The following CFTR variants were observed in gnomAD, a reference collection of about 807,000 sequenced individuals.
The protein encoded by CFTR is CF transmembrane conductance regulator, also known as cystic fibrosis transmembrane conductance regulator.
A neutral mutation model predicts 171.6 loss-of-function variants in CFTR; 181 were observed. The observed-to-expected ratio is 1.05, with a 90% CI of 0.93 to 1.19. CFTR has a LOEUF of 1.19. Among genes scored for constraint, CFTR ranks in the 50% most tolerant of loss-of-function variants. The probability of loss-of-function intolerance (pLI) is 0.00; values close to 1 mark genes in which losing one functional copy is unlikely to be tolerated. For synonymous variants in CFTR, 583 were observed against 608.0 expected, an observed-to-expected ratio of 0.96 and a Z score of 0.60; for missense variants, 1,968 against 1,734.7, an observed-to-expected ratio of 1.13 and a Z score of -2.39.
chr7:117,616,191 A>C (rs538325294), intron 21 of CFTR: 1 of 151,416 alleles, frequency 6.6e-6, no homozygotes, highest in African/African-American at 2.4e-5. Flanking sequence ...GCTGTAATTT[A>C]ATTGGAACAT....
chr7:117,519,812 T>C (rs1483806941), intron 3 of CFTR, among the ~76,000 whole-genome samples: 2 of 151,992 alleles, frequency 1.3e-5, no homozygotes, highest in African/African-American at 4.8e-5. Context: ...CAGTTCCTCA[T>C]CATTGAGTAT....
intron 15 of CFTR, among the ~76,000 whole-genome samples, chr7:117,595,626 G>A (rs1017399268): frequency 6.6e-6 from 1 of 152,092 alleles, no homozygotes; most frequent in Non-Finnish European, 1.5e-5. Flanking sequence ...GTTCATGCCT[G>A]TAATCCCAGA....
At chr7:117,571,346 T>C (rs1452066892) in intron 11 of CFTR, among the ~76,000 whole-genome samples, 1 of 152,204 alleles carries the variant, frequency 6.6e-6, no homozygotes, top group Non-Finnish European at 1.5e-5. Context: ...AGTGAAGTAC[T>C]GAGAAAAGAG....
At chr7:117,533,993 G>C (rs1352814142) in intron 4 of CFTR, among the ~76,000 whole-genome samples, 1 of 152,004 alleles carries the variant, frequency 6.6e-6, no homozygotes, top group Non-Finnish European at 1.5e-5. Flanking sequence ...ATATCAATGG[G>C]TATTTAAGTA....
In CFTR at chr7:117,535,266, T is replaced by A. The variant is rs397508766; in HGVS notation, c.598T>A (p.Phe200Ile). ...TTTCCAGGGACTTGCATTGGCACAT[T>A]TCGTGTGGATCGCTCCTTTGCAAGT... The part of the protein sequence containing the change: ...KFDEGLALAH[F>I]VWIAPLQVAL... Residue 200 changes from phenylalanine to isoleucine, a missense_variant, in exon 6 of 27, where the codon TTC becomes ATC. By Grantham distance (21) the Phe-to-Ile change is conservative (BLOSUM62 0). Coordinates refer to ENST00000003084, the MANE Select transcript of CFTR (RefSeq NM_000492.4). The A allele has an allele frequency of 6.2e-7, 1 of 1,614,100 alleles. No individual in the cohort carries two copies.
At chr7:117,584,551 C>A (rs1791900836) in intron 11 of CFTR, among the ~76,000 whole-genome samples, 1 of 152,136 alleles carries the variant, frequency 6.6e-6, no homozygotes, top group Non-Finnish European at 1.5e-5. Flanking sequence ...TGTACCAGTA[C>A]CAGGCTGTTT....
intron 18 of CFTR, among the ~76,000 whole-genome samples, chr7:117,608,776 TC>T (rs1792339129): frequency 6.6e-6 from 1 of 152,174 alleles, no homozygotes; most frequent in Admixed American, 6.6e-5. Flanking sequence ...AAATGAAATT[TC>T]ATTCTATTCA....
At chr7:117,543,162 GT>G (rs1799085524) in intron 9 of CFTR, among the ~76,000 whole-genome samples, 1 of 152,176 alleles carries the variant, frequency 6.6e-6, no homozygotes, top group African/African-American at 2.4e-5. Context: ...TATAAAACCA[GT>G]GTCCTAGGTC....
chr7:117,613,148 TA>T (rs1376945015), intron 20 of CFTR, among the ~76,000 whole-genome samples: 2 of 152,194 alleles, frequency 1.3e-5, no homozygotes, highest in Admixed American at 6.5e-5. Context: ...TAAGCAACTT[TA>T]AAAAATTCTT....
At chr7:117,566,890 TGG>T (rs1791611069) in intron 11 of CFTR, among the ~76,000 whole-genome samples, 2 of 152,216 alleles carry the variant, frequency 1.3e-5, no homozygotes, top group Non-Finnish European at 2.9e-5. Context: ...ATCACAATTC[TGG>T]AACAAATTAC....
At chr7:117,661,264 C>T (rs1793276930) in intron 24 of CFTR, among the ~76,000 whole-genome samples, 1 of 152,132 alleles carries the variant, frequency 6.6e-6, no homozygotes, top group African/African-American at 2.4e-5. Flanking sequence ...GTGAATAAAA[C>T]AGTGAGATAG....
At chr7:117,491,705 C>T (rs1224503592) in intron 1 of CFTR, among the ~76,000 whole-genome samples, 1 of 152,008 alleles carries the variant, frequency 6.6e-6, no homozygotes, top group East Asian at 1.9e-4. Context: ...GGACACCAGT[C>T]ATATTGGATT....
intron 23 of CFTR, among the ~76,000 whole-genome samples, chr7:117,645,086 G>A (rs1236407929): frequency 6.6e-6 from 1 of 152,106 alleles, no homozygotes; most frequent in Non-Finnish European, 1.5e-5. Flanking sequence ...AAGAATCTAT[G>A]TCCACACATA....
In CFTR at chr7:117,664,778, C is replaced by T. The variant is rs751098333; in HGVS notation, c.4054C>T (p.Gln1352Ter). 1.2e-6 allele frequency: 2 copies of T among 1,614,042 alleles called. No homozygotes were observed. The highest frequency in any genetic ancestry group is 1.3e-5 in the African/African-American group (1 of 75,020). The part of the protein sequence containing the change: ...GGCVLSHGHK[Q>*]LMCLARSVLS... ...CTGTGTCCTAAGCCATGGCCACAAG[C>T]AGTTGATGTGCTTGGCTAGATCTGT... is the stretch of plus-strand genomic sequence containing the variant. The change falls in exon 25 of 27, where the codon CAG becomes TAG. Residue 1352 changes from glutamine to a stop codon, truncating the protein, a stop_gained. Transcript: ENST00000003084. LOFTEE classifies it high-confidence loss of function.
Position 117,667,227 on chromosome 7 carries a change from A to C in CFTR, c.*119A>C. 1 of 932,284 alleles carries C rather than the reference A, an allele frequency of 1.1e-6. No homozygotes were observed. The highest frequency in any genetic ancestry group is 1.6e-6 in the Non-Finnish European group (1 of 610,066). The allele number at this position is 932,284 out of a possible 1,614,324, so 57.8% of individuals were successfully genotyped here. On this transcript the variant is annotated 3_prime_UTR_variant, in exon 27 of 27. Coordinates refer to ENST00000003084, the MANE Select transcript of CFTR (RefSeq NM_000492.4). ...CCTCTGCCTCAGAAAACAAGGATGA[A>C]TTAAGTTTTTTTTTAAAAAAGAAAC...
intron 9 of CFTR, among the ~76,000 whole-genome samples, chr7:117,548,100 A>G (rs1436297915): frequency 1.3e-5 from 2 of 152,186 alleles, no homozygotes; most frequent in Non-Finnish European, 2.9e-5. Flanking sequence ...CTTCATATTT[A>G]TATTCAACAA....
At chr7:117,543,811 CT>C (rs1276587494) in intron 9 of CFTR, among the ~76,000 whole-genome samples, 1 of 152,196 alleles carries the variant, frequency 6.6e-6, no homozygotes, top group Non-Finnish European at 1.5e-5. Context: ...GCTTGTTAAA[CT>C]TCCTGTTTGC....
chr7:117,642,503 G>T lies in CFTR; in HGVS notation c.3783G>T (p.Leu1261=), dbSNP rs771812900. Residue 1261 remains leucine (L), a synonymous_variant, in exon 23 of 27, where the codon CTG becomes CTT. Coordinates refer to ENST00000003084, the MANE Select transcript of CFTR (RefSeq NM_000492.4). The part of the protein sequence containing the change: ...STLLSAFLRL[L]NTEGEIQIDG... ...TGTTATCAGCTTTTTTGAGACTACT[G>T]AACACTGAAGGAGAAATCCAGATCG... The T allele has an allele frequency of 6.8e-6, 11 of 1,613,530 alleles. No homozygotes were observed. In the African/African-American group the frequency reaches 1.3e-4, roughly 20 times the overall value.
chr7:117,556,809 G>A (rs373919031), intron 10 of CFTR, among the ~76,000 whole-genome samples: 2 of 151,826 alleles, frequency 1.3e-5, no homozygotes, highest in East Asian at 3.9e-4. Flanking sequence ...GTGAGCCACC[G>A]CGCCCGGCCT....
Sources: gnomAD v4.1 joint callset for allele counts (sites outside exome capture counted in the v4.1 genomes callset) on GRCh38, gnomAD v4.1.1 for gene constraint, MANE v1.5 for transcripts, NCBI Gene and HGNC (gene_info 2026-07-23, HGNC 2026-07-21) for gene names.